ZBTB7B: variants seen among roughly 807,000 people sequenced by gnomAD.
The protein encoded by ZBTB7B is zinc finger and BTB domain-containing protein 7B.
Under a neutral mutation model 31.0 loss-of-function variants are expected in ZBTB7B, and 8 were observed. The observed-to-expected ratio is 0.26, with a 90% CI of 0.15 to 0.47. The LOEUF (loss-of-function observed/expected upper bound fraction) is 0.47, where lower values mean the gene tolerates loss of function less well. ZBTB7B is among the 20% of genes least tolerant of loss of function. ZBTB7B has a pLI of 0.99. For missense variants in ZBTB7B, 494 were observed against 742.4 expected (o/e 0.67, Z 3.89); for synonymous variants, 261 against 307.3 (o/e 0.85, Z 1.58).
Position 155,016,730 on chromosome 1 carries a change from C to G in ZBTB7B, c.*45C>G. On this transcript the variant is annotated 3_prime_UTR_variant, in exon 3 of 3. Transcript: ENST00000535420. This position sits in a 1 kb window ranked among gnomAD's most constrained non-coding sequence, Gnocchi z 4.3. ...TGAAGCAGCACAAGGCCGGGGACAC[C>G]CATGCCAAGCAGTGGGAGCACGCAG... 1 of 1,171,734 alleles carries G rather than the reference C, an allele frequency of 8.5e-7. No individual in the cohort carries two copies. Among genetic ancestry groups the G allele is most frequent in the Non-Finnish European group, 1.2e-6 (1 of 838,526 alleles). 72.6% of individuals were successfully genotyped at this position (1,171,734 alleles called of 1,614,324 possible).
rs767498535 is a variant in ZBTB7B at position 155,015,188 on chromosome 1, T to C, written c.528T>C (p.Asn176=). ...FATATASGVP[N]GEDSPPQVPL... is the part of the protein sequence containing the mutation. ...CAGCCACGGCCTCTGGAGTTCCCAA[T>C]GGTGAAGACAGTCCTCCACAGGTGC... The change falls in exon 2 of 3, where the codon AAT becomes AAC. Residue 176 remains asparagine, a synonymous_variant. Coordinates refer to ENST00000535420, the MANE Select transcript of ZBTB7B (RefSeq NM_001256455.2). 1.9e-6 allele frequency: 3 copies of C among 1,613,718 alleles called. No individual in the cohort carries two copies. The South Asian group carries it at 3.3e-5, about 18-fold the overall frequency.
At chr1:155,011,220 C>T (rs1248432854) in intron 1 of ZBTB7B, among the ~76,000 whole-genome samples, 2 of 152,270 alleles carry the variant, frequency 1.3e-5, no homozygotes, top group Non-Finnish European at 2.9e-5. Context: ...TCGGCTGGCT[C>T]AAGCCAGCAG....
intron 1 of ZBTB7B, among the ~76,000 whole-genome samples, chr1:155,005,321 C>G (rs936003040): frequency 2.6e-5 from 4 of 152,260 alleles, no homozygotes; most frequent in Admixed American, 2.6e-4. Flanking sequence ...GTGCCAGCCC[C>G]CCATTCCAAG....
Position 155,018,318 on chromosome 1 carries a change from T to C in ZBTB7B, c.*1633T>C, listed in dbSNP as rs1046031462. ...CTGGGCCTCATCTTAGCATTTCAGGTGATGGGGGGAGCCCAGGGCTGGGGA... is the reference window on the plus strand; with the variant it reads ...CTGGGCCTCATCTTAGCATTTCAGGCGATGGGGGGAGCCCAGGGCTGGGGA... On this transcript the variant is annotated 3_prime_UTR_variant, in exon 3 of 3. Transcript: ENST00000535420. 3.5e-6 allele frequency: 2 copies of C among 572,750 alleles called. No individual in the cohort carries two copies. Among genetic ancestry groups the C allele is most frequent in the African/African-American group, 1.9e-5 (1 of 53,180 alleles). The allele number at this position is 572,750 out of a possible 1,614,324, so 35.5% of individuals were successfully genotyped here. A position where few individuals can be genotyped will look rare whatever the true frequency, so the allele number is the denominator to read the frequency against.
chr1:155,012,709 C>T (rs894703360), intron 1 of ZBTB7B, among the ~76,000 whole-genome samples: 2 of 151,670 alleles, frequency 1.3e-5, no homozygotes, highest in East Asian at 3.9e-4. Context: ...GAGCCCTGGC[C>T]TTGCAATGAA....
chr1:155,015,293 C>T lies in ZBTB7B; in HGVS notation c.633C>T (p.Thr211=), dbSNP rs201766394. 4.5e-4 allele frequency: 724 copies of T among 1,612,782 alleles called. 2 individuals carry two copies. Among genetic ancestry groups the T allele is most frequent in the Admixed American group, 1.6e-3 (98 of 59,942 alleles). ...SRKPRKAFLQ[T]KGARANHLVP... is the part of the protein sequence containing the mutation. ...AGCCCCGGAAAGCTTTCCTGCAAAC[C>T]AAGGGGGCCAGAGCAAACCACCTAG... The change falls in exon 2 of 3, where the codon ACC becomes ACT. Residue 211 remains threonine (T), a synonymous_variant. Transcript: ENST00000535420.
Position 155,015,160 on chromosome 1 carries a change from C to T in ZBTB7B, c.500C>T (p.Ala167Val). 3.1e-6 allele frequency: 5 copies of T among 1,613,748 alleles called. No individual in the cohort carries two copies. Among genetic ancestry groups the T allele is most frequent in the Non-Finnish European group, 4.2e-6 (5 of 1,180,030 alleles). The change falls in exon 2 of 3, where the codon GCC (alanine) becomes GTC (valine). Residue 167 changes from alanine to valine, a missense_variant. Coordinates refer to ENST00000535420, the MANE Select transcript of ZBTB7B (RefSeq NM_001256455.2). ...ERARQYLEAF[A>V]TATASGVPNG... ...GCCCGCCAGTATCTGGAGGCCTTTG[C>T]CACAGCCACGGCCTCTGGAGTTCCC...
chr1:155,009,925 C>T (rs1658836448), intron 1 of ZBTB7B, among the ~76,000 whole-genome samples: 1 of 151,892 alleles, frequency 6.6e-6, no homozygotes, highest in African/African-American at 2.4e-5. Flanking sequence ...GGGAGGAGGC[C>T]TAGGGACACT....
rs1297155775 is a variant in ZBTB7B at position 155,010,842 on chromosome 1, A to G, written c.-6-3813A>G. The stretch of plus-strand genomic sequence containing the variant: ...GTGGAGGGAGAAAGGAGACAGAAGT[A>G]AGGGGGAGGGGTGGCCAGCCAAGGC... On this transcript the variant is annotated intron_variant, in intron 1 of 2. Coordinates refer to ENST00000535420, the MANE Select transcript of ZBTB7B (RefSeq NM_001256455.2). 4.0e-6 allele frequency: 5 copies of G among 1,244,902 alleles called. No homozygotes were observed. The African/African-American group carries it at 6.0e-5, about 15-fold the overall frequency. 77.1% of individuals were successfully genotyped at this position (1,244,902 alleles called of 1,614,324 possible). A position where few individuals can be genotyped will look rare whatever the true frequency, so the allele number is the denominator to read the frequency against.
chr1:155,012,800 AC>A (rs1407999198), intron 1 of ZBTB7B, among the ~76,000 whole-genome samples: 1 of 64,092 alleles, frequency 1.6e-5, no homozygotes, highest in Non-Finnish European at 3.4e-5. Context: ...TCCCCCATTC[AC>A]CCCCCCACCC....
Position 155,014,780 on chromosome 1 carries a change from G to C in ZBTB7B, c.120G>C (p.Thr40=), listed in dbSNP as rs766758902. The part of the protein sequence containing the change: ...LGHLCDLTIR[T]QGLEYRTHRA... ...ACCTATGTGACCTCACCATCCGGAC[G>C]CAGGGCCTTGAATACCGCACCCACA... Residue 40 remains threonine, a synonymous_variant, in exon 2 of 3, where the codon ACG becomes ACC. Transcript: ENST00000535420. The C allele has an allele frequency of 1.5e-5, 24 of 1,614,118 alleles. No homozygotes were observed. The East Asian group carries it at 2.5e-4, about 16-fold the overall frequency.
chr1:155,017,523 T>C lies in ZBTB7B; in HGVS notation c.*838T>C. ...CTACCCTCTTCTCCTCCTCCCCATCTCCTCCCCGCCCAGGTGCGAGCCGGA... is the reference window on the plus strand; with the variant it reads ...CTACCCTCTTCTCCTCCTCCCCATCCCCTCCCCGCCCAGGTGCGAGCCGGA... On this transcript the variant is annotated 3_prime_UTR_variant, in exon 3 of 3. Transcript: ENST00000535420. 6.5e-6 allele frequency: 1 copy of C among 153,396 alleles called. No individual in the cohort carries two copies. Among genetic ancestry groups the C allele is most frequent in the Non-Finnish European group, 1.5e-5 (1 of 68,938 alleles). 9.5% of individuals were successfully genotyped at this position (153,396 alleles called of 1,614,324 possible).
rs1553257689 is a variant in ZBTB7B at position 155,017,356 on chromosome 1, T to TAGAGGGGCCCC, written c.*672_*682dup. On this transcript the variant is annotated 3_prime_UTR_variant, in exon 3 of 3. Coordinates refer to ENST00000535420, the MANE Select transcript of ZBTB7B (RefSeq NM_001256455.2). ...TTGGCTCGCCTGCCCCTGGGGGCAG[T>TAGAGGGGCCCC]AGAGGGGCCCCGCCCAGCTAGGGGA... is the stretch of plus-strand genomic sequence containing the variant. The TAGAGGGGCCCC allele has an allele frequency of 2.0e-5, 3 of 152,172 alleles. No homozygotes were observed. Among genetic ancestry groups the TAGAGGGGCCCC allele is most frequent in the East Asian group, 1.9e-4 (1 of 5,164 alleles). 9.4% of individuals were successfully genotyped at this position (152,172 alleles called of 1,614,324 possible).
intron 1 of ZBTB7B, among the ~76,000 whole-genome samples, chr1:155,009,634 C>T (rs1193857501): frequency 6.6e-6 from 1 of 151,472 alleles, no homozygotes; most frequent in African/African-American, 2.4e-5. Flanking sequence ...TCGCTGCAAA[C>T]CCCCCTCCAC....
chr1:155,015,363 G>A lies in ZBTB7B; in HGVS notation c.703G>A (p.Glu235Lys). 6.3e-7 allele frequency: 1 copy of A among 1,578,468 alleles called. No individual in the cohort carries two copies. The highest frequency in any genetic ancestry group is 8.6e-7 in the Non-Finnish European group (1 of 1,158,580). ...TVPAHPLTYE[E>K]EEVAGRVGSS... ...GCCCGCCCATCCCTTGACCTATGAG[G>A]AGGAGGAGGTGGCGGGCAGAGTGGG... The change falls in exon 2 of 3, where the codon GAG becomes AAG. Residue 235 changes from glutamate to lysine, a missense_variant. Physicochemically the swap from Glu to Lys is moderately conservative, Grantham distance 56. Around this residue, in one of 5 missense-constraint regions of ZBTB7B, gnomAD observed 216 missense variants for 229.3 expected, o/e 0.94. Coordinates refer to ENST00000535420, the MANE Select transcript of ZBTB7B (RefSeq NM_001256455.2).
chr1:155,008,395 G>T (rs1383001298), intron 1 of ZBTB7B, among the ~76,000 whole-genome samples: 1 of 152,174 alleles, frequency 6.6e-6, no homozygotes, highest in Non-Finnish European at 1.5e-5. Context: ...GCTCCCAGGG[G>T]GACTGAGGAG....
chr1:155,016,212 T>C lies in ZBTB7B; in HGVS notation c.1155-8T>C, dbSNP rs768347289. ...CACCTCCCTGCCCCTCACCCCTGCC[T>C]GTGCCAGGAACGACAAGCTGAAGAT... On this transcript the variant is annotated splice_region_variant and splice_polypyrimidine_tract_variant and intron_variant, in intron 2 of 2. Coordinates refer to ENST00000535420, the MANE Select transcript of ZBTB7B (RefSeq NM_001256455.2). This position sits in a 1 kb window ranked among gnomAD's most constrained non-coding sequence, Gnocchi z 4.3. 7.4e-6 allele frequency: 12 copies of C among 1,611,306 alleles called. No homozygotes were observed. The East Asian group carries it at 2.0e-4, about 27-fold the overall frequency.
chr1:155,013,710 T>TG (rs1351766853), intron 1 of ZBTB7B, among the ~76,000 whole-genome samples: 16 of 25,880 alleles, frequency 6.2e-4, no homozygotes, highest in Non-Finnish European at 1.3e-3. Flanking sequence ...GAGGGGGAGG[T>TG]GGGGGGTGGG....
chr1:155,011,376 G>A (rs1377667368), intron 1 of ZBTB7B, among the ~76,000 whole-genome samples: 1 of 152,218 alleles, frequency 6.6e-6, no homozygotes, highest in African/African-American at 2.4e-5. Context: ...CCTGCCAGGT[G>A]CCCTTGAGCA....
Sources: gnomAD v4.1 joint callset for allele counts (sites outside exome capture counted in the v4.1 genomes callset) on GRCh38, gnomAD v4.1.1 for gene constraint, gnomAD v4.1.1 regional missense constraint, Gnocchi (gnomAD v3.1) non-coding constraint, MANE v1.5 for transcripts, NCBI Gene and HGNC (gene_info 2026-07-23, HGNC 2026-07-21) for gene names.